Variants in EXOSC10 observed in about 807,000 individuals in gnomAD.
EXOSC10 encodes exosome component 10.
Under a neutral mutation model 126.6 loss-of-function variants are expected in EXOSC10, and 94 were observed. The observed-to-expected ratio is 0.74, with a 90% CI of 0.63 to 0.88. The LOEUF (loss-of-function observed/expected upper bound fraction) is 0.88, where lower values mean the gene tolerates loss of function less well. Among genes scored for constraint, EXOSC10 ranks in the 40% least tolerant of loss-of-function variants. EXOSC10 has a pLI of 0.00. For synonymous variants in EXOSC10, 395 were observed against 400.8 expected (o/e 0.99, Z 0.17); for missense variants, 1,041 against 1,100.5 (o/e 0.95, Z 0.77).
At chr1:11,073,062 T>C (rs1337227545) in intron 19 of EXOSC10, 2 of 152,248 alleles carry the variant, frequency 1.3e-5, no homozygotes, top group Non-Finnish European at 2.9e-5. Context: ...ATTTGTGTAC[T>C]TTACTACATA....
intron 3 of EXOSC10, among the ~76,000 whole-genome samples, chr1:11,093,077 TA>T (rs1301383895): frequency 1.3e-5 from 2 of 152,124 alleles, no homozygotes; most frequent in Non-Finnish European, 2.9e-5. Context: ...TTTTTGTCAA[TA>T]AAAAAATAAA....
chr1:11,076,167 A>G lies in EXOSC10; in HGVS notation c.1986+675T>C, dbSNP rs2100966799. Among the ~76,000 whole-genome samples the G allele has an allele frequency of 1.3e-5, 2 of 152,080 alleles. 1 individual carries two copies. The highest frequency in any genetic ancestry group is 6.8e-3 in the Middle Eastern group (2 of 294). ...GCAACAAGAGCGAAACTCCATCTCAAAAAACCAAACCAAACAAACAAAAAA... is the reference window on the plus strand; with the variant it reads ...GCAACAAGAGCGAAACTCCATCTCAGAAAACCAAACCAAACAAACAAAAAA... On this transcript the variant is annotated intron_variant, in intron 17 of 24. Transcript: ENST00000376936.
At chr1:11,099,606 C>T in intron 1 of EXOSC10, 115 bp downstream of exon 1, 1 of 1,232,202 alleles carries the variant, frequency 8.1e-7, no homozygotes, top group African/African-American at 1.6e-5. Flanking sequence ...ACAGGGGCCC[C>T]GCGACCCTCG....
intron 9 of EXOSC10, among the ~76,000 whole-genome samples, chr1:11,084,460 CT>C (rs1553166676): frequency 6.6e-6 from 1 of 152,164 alleles, no homozygotes; most frequent in Non-Finnish European, 1.5e-5. Context: ...CCTTCACCCA[CT>C]TTTTGATGGG....
intron 5 of EXOSC10, among the ~76,000 whole-genome samples, 168 bp downstream of exon 5, chr1:11,090,846 G>C (rs1456016396): frequency 6.6e-6 from 1 of 152,056 alleles, no homozygotes; most frequent in Non-Finnish European, 1.5e-5. Context: ...TGACCTCCTG[G>C]GCTCAAGTGA....
rs185150863 is a variant in EXOSC10 at position 11,080,001 on chromosome 1, C to G, written c.1638-179G>C. 9.7e-4 allele frequency among the ~76,000 whole-genome samples: 147 copies of G among 152,300 alleles called. 1 individual carries two copies. The highest frequency in any genetic ancestry group is 3.3e-3 in the African/African-American group (139 of 41,572). On this transcript the variant is annotated intron_variant, in intron 13 of 24. Transcript: ENST00000376936. ...GGCCAACTTCTCCATGTGTTCTTTG[C>G]GACACCAAGCTTTAAGTGGATCCCT...
intron 14 of EXOSC10, among the ~76,000 whole-genome samples, chr1:11,078,796 A>G (rs559535698): frequency 6.6e-6 from 1 of 152,154 alleles, no homozygotes; most frequent in African/African-American, 2.4e-5. Flanking sequence ...ACTCCACCAC[A>G]TTAACTGCCT....
intron 17 of EXOSC10, among the ~76,000 whole-genome samples, chr1:11,076,020 C>T (rs553525637): frequency 2.0e-5 from 3 of 151,914 alleles, no homozygotes; most frequent in African/African-American, 7.2e-5. Context: ...AAAATATTAG[C>T]TAAGTATGGT....
Position 11,071,797 on chromosome 1 carries a change from C to T in EXOSC10, c.2242+290G>A, listed in dbSNP as rs1005406010. The T allele has an allele frequency of 3.7e-4, 113 of 303,560 alleles. 1 individual carries two copies. Among genetic ancestry groups the T allele is most frequent in the Non-Finnish European group, 5.5e-5 (9 of 162,826 alleles). 18.8% of individuals were successfully genotyped at this position (303,560 alleles called of 1,614,324 possible). A position where few individuals can be genotyped will look rare whatever the true frequency, so the allele number is the denominator to read the frequency against. Reference sequence around the variant, plus strand: ...CCTCTGGGCTCGCTGTGCTGTGGCTCCAGAACTCTTCTCTAGGTCACTGCA... The same window carrying T: ...CCTCTGGGCTCGCTGTGCTGTGGCTTCAGAACTCTTCTCTAGGTCACTGCA... On this transcript the variant is annotated intron_variant, in intron 20 of 24. Coordinates refer to ENST00000376936, the MANE Select transcript of EXOSC10 (RefSeq NM_001001998.3).
intron 11 of EXOSC10, 58 bp from the exon 12 acceptor site, chr1:11,080,970 C>T: frequency 1.3e-6 from 2 of 1,576,272 alleles, no homozygotes; most frequent in Non-Finnish European, 1.7e-6. Flanking sequence ...GCCCTGGGCT[C>T]TGGAAAATGT....
chr1:11,069,485 T>C, intron 22 of EXOSC10, 74 bp downstream of exon 22: 4 of 1,502,590 alleles, frequency 2.7e-6, no homozygotes, highest in Non-Finnish European at 3.6e-6. Context: ...GGCCCCTATA[T>C]TGTGGTCTCT....
intron 3 of EXOSC10, among the ~76,000 whole-genome samples, chr1:11,091,887 AC>A (rs1429640365): frequency 6.6e-6 from 1 of 152,010 alleles, no homozygotes. Flanking sequence ...ATGGGGTTTC[AC>A]CCGGTTGGCC....
rs368921159 is a variant in EXOSC10 at position 11,099,816 on chromosome 1, T to C, written c.16A>G (p.Thr6Ala). 93 of 1,607,988 alleles carry C rather than the reference T, an allele frequency of 5.8e-5. 3 individuals are homozygous for C. Among genetic ancestry groups the C allele is most frequent in the East Asian group, 5.0e-4 (22 of 44,134 alleles). ...GCCGACAGGACCCTGGGCTCCCGGG[T>C]ACTGGGTGGCGCCATTTTTTCAGCC... MAPPS[T>A]REPRVLSATS... is the part of the protein sequence containing the mutation. The change falls in exon 1 of 25, where the codon ACC (threonine) becomes GCC (alanine). Residue 6 changes from threonine (T) to alanine (A), a missense_variant. By Grantham distance (58) the Thr-to-Ala change is moderately conservative (BLOSUM62 0). Coordinates refer to ENST00000376936, the MANE Select transcript of EXOSC10 (RefSeq NM_001001998.3).
At position 11,095,211 on chromosome 1, in the gene EXOSC10, CA is replaced by C. The variant is rs1222636613; in HGVS notation, c.372+546del. 6.7e-3 allele frequency among the ~76,000 whole-genome samples: 351 copies of C among 52,464 alleles called. 1 individual carries two copies. The highest frequency in any genetic ancestry group is 0.016 in the African/African-American group (238 of 15,132). 34.4% of individuals were successfully genotyped at this position (52,464 alleles called of 152,430 possible). A position where few individuals can be genotyped will look rare whatever the true frequency, so the allele number is the denominator to read the frequency against. On this transcript the variant is annotated intron_variant, in intron 3 of 24. Coordinates refer to ENST00000376936, the MANE Select transcript of EXOSC10 (RefSeq NM_001001998.3). The stretch of plus-strand genomic sequence containing the variant: ...TGGGCAACCAAGCAAGACTCCGTCT[CA>C]AAAAAAAAAAAAAAAAAGAAGCTTC...
chr1:11,070,673 A>G (rs1639427814), intron 21 of EXOSC10: 5 of 526,136 alleles, frequency 9.5e-6, no homozygotes, highest in African/African-American at 3.8e-5. Flanking sequence ...GTGGTCTGGC[A>G]TATTTACCAT....
At chr1:11,073,801 C>G (rs1639651011) in intron 19 of EXOSC10, 133 bp downstream of exon 19, 1 of 655,700 alleles carries the variant, frequency 1.5e-6, no homozygotes, top group South Asian at 2.0e-5. Context: ...CTGCTTGAAC[C>G]TGGGAGGTGG....
intron 22 of EXOSC10, 39 bp downstream of exon 22, chr1:11,069,520 G>T: frequency 6.3e-7 from 1 of 1,597,888 alleles, no homozygotes. Flanking sequence ...CCTCTGACGC[G>T]CACAGATGTC....
intron 18 of EXOSC10, 40 bp from the exon 19 acceptor site, chr1:11,074,048 C>T (rs751291920): frequency 2.1e-5 from 34 of 1,594,932 alleles, no homozygotes; most frequent in Middle Eastern, 1.7e-4. Flanking sequence ...CTGCCGGGAA[C>T]GGAATCTAGA....
chr1:11,085,128 T>C lies in EXOSC10; in HGVS notation c.1090-2250A>G, dbSNP rs535221930. On this transcript the variant is annotated intron_variant, in intron 9 of 24. Coordinates refer to ENST00000376936, the MANE Select transcript of EXOSC10 (RefSeq NM_001001998.3). ...CGATGCAGGCTCTTTTTTGGTTCCA[T>C]ATGAACTTTAAACTAGTTTTTTCCA... Among the ~76,000 whole-genome samples the C allele has an allele frequency of 1.6e-3, 248 of 152,318 alleles. 2 individuals carry two copies. The highest frequency in any genetic ancestry group is 5.5e-3 in the African/African-American group (229 of 41,560).
Sources: allele counts gnomAD v4.1 joint callset (sites outside exome capture counted in the v4.1 genomes callset), GRCh38; gene constraint gnomAD v4.1.1; transcripts MANE v1.5; gene names NCBI Gene and HGNC (gene_info 2026-07-23, HGNC 2026-07-21).